SLC8A2: variants seen among roughly 807,000 people sequenced by gnomAD.
The protein encoded by SLC8A2 is solute carrier family 8 member A2.
SLC8A2 carries 14 observed loss-of-function variants against 70.2 expected under a neutral mutation model. The observed-to-expected ratio is 0.20, with a 90% confidence interval of 0.13 to 0.31. The LOEUF (loss-of-function observed/expected upper bound fraction) is 0.31, where lower values mean the gene tolerates loss of function less well. SLC8A2 is among the 10% of genes least tolerant of loss of function. SLC8A2 has a pLI of 1.00. For missense variants in SLC8A2, 779 were observed against 1,320.1 expected (o/e 0.59, Z 6.35); for synonymous variants, 575 against 594.3 (o/e 0.97, Z 0.47).
chr19:47,444,974 A>G (rs1226296682), intron 4 of SLC8A2, among the ~76,000 whole-genome samples: 1 of 152,072 alleles, frequency 6.6e-6, no homozygotes, highest in East Asian at 1.9e-4. Context: ...TCCCTGGGTC[A>G]GTCTCTCTCC....
chr19:47,456,887 C>G (rs775543344), intron 3 of SLC8A2, 43 bp downstream of exon 3: 1 of 1,518,962 alleles, frequency 6.6e-7, no homozygotes, highest in African/African-American at 1.4e-5. Context: ...GGACCCACGG[C>G]CTGCGCCAGC....
chr19:47,430,648 G>C lies in SLC8A2; in HGVS notation c.2390-183C>G, dbSNP rs939067149. ...CCACCTTTAGGCCTGCTCGCCACTG[G>C]AACCGCTGCCGGCTTTCTATGGGAC... On this transcript the variant is annotated intron_variant, in intron 9 of 9. Transcript: ENST00000236877. This position sits in a 1 kb window ranked among gnomAD's most constrained non-coding sequence, Gnocchi z 5.9. Among the ~76,000 whole-genome samples the C allele has an allele frequency of 5.3e-5, 8 of 152,260 alleles. No homozygotes were observed. Among genetic ancestry groups the C allele is most frequent in the Non-Finnish European group, 1.2e-4 (8 of 68,044 alleles).
At chr19:47,451,054 G>T (rs990530937) in intron 3 of SLC8A2, among the ~76,000 whole-genome samples, 1 of 142,780 alleles carries the variant, frequency 7.0e-6, no homozygotes, top group East Asian at 2.0e-4. Flanking sequence ...TGTCGCCCAG[G>T]CTGGAGTGCA....
At chr19:47,457,797 T>TCTTC (rs146183606) in intron 2 of SLC8A2, among the ~76,000 whole-genome samples, 1,440 of 95,026 alleles carry the variant, frequency 0.015, 13 homozygotes, top group Non-Finnish European at 0.025. Flanking sequence ...TTTTCTTTTC[T>TCTTC]CTTCCTTCCT....
At position 47,429,961 on chromosome 19, in the gene SLC8A2, G is replaced by A. The variant is rs781036123; in HGVS notation, c.*128C>T. ...GCAATCAAAGCCAGGGGAGGGGGCG[G>A]AGAAGGGAGGCCGAGTCCCAGGAGA... On this transcript the variant is annotated 3_prime_UTR_variant, in exon 10 of 10. Coordinates refer to ENST00000236877, the MANE Select transcript of SLC8A2 (RefSeq NM_015063.3). The A allele has an allele frequency of 4.4e-6, 4 of 915,656 alleles. No individual in the cohort carries two copies. In the Admixed American group the frequency reaches 8.4e-5, roughly 19 times the overall value. The allele number at this position is 915,656 out of a possible 1,614,324, so 56.7% of individuals were successfully genotyped here. A position where few individuals can be genotyped will look rare whatever the true frequency, so the allele number is the denominator to read the frequency against.
intron 1 of SLC8A2, among the ~76,000 whole-genome samples, chr19:47,471,140 A>T (rs1024718675): frequency 1.3e-5 from 2 of 151,318 alleles, no homozygotes; most frequent in Non-Finnish European, 3.0e-5. Flanking sequence ...GGAGGGAGAG[A>T]GAGAGAGAGA....
Position 47,432,285 on chromosome 19 carries a change from C to G in SLC8A2, c.2271G>C (p.Leu757=). 1 of 1,614,080 alleles carries G rather than the reference C, an allele frequency of 6.2e-7. No individual in the cohort carries two copies. Among genetic ancestry groups the G allele is most frequent in the Non-Finnish European group, 8.5e-7 (1 of 1,179,982 alleles). Residue 757 remains leucine (L), a synonymous_variant, in exon 9 of 10, where the codon CTG becomes CTC. Coordinates refer to ENST00000236877, the MANE Select transcript of SLC8A2 (RefSeq NM_015063.3). The surrounding 1 kb of genome is among the most constrained non-coding windows in gnomAD (Gnocchi z 6.2). ...HGWACFGVSI[L]VIGLLTALIG... Reference sequence around the variant, plus strand: ...TGAGGGCGGTGAGCAGGCCGATGACCAGGATGGAGACACCAAAGCAGGCCC... The same window carrying G: ...TGAGGGCGGTGAGCAGGCCGATGACGAGGATGGAGACACCAAAGCAGGCCC...
Position 47,430,592 on chromosome 19 carries a change from CT to C in SLC8A2, c.2390-128del, listed in dbSNP as rs1275966025. ...TGCGGGCAGTGTGGGCTCAAGACCC[CT>C]GACCCCCACCCAAGAGGCAAAGTCC... On this transcript the variant is annotated intron_variant, in intron 9 of 9. Coordinates refer to ENST00000236877, the MANE Select transcript of SLC8A2 (RefSeq NM_015063.3). The surrounding 1 kb of genome is among the most constrained non-coding windows in gnomAD (Gnocchi z 5.9). The C allele has an allele frequency of 3.9e-6, 4 of 1,017,538 alleles. No individual in the cohort carries two copies. Among genetic ancestry groups the C allele is most frequent in the Non-Finnish European group, 5.6e-6 (4 of 718,346 alleles). The allele number at this position is 1,017,538 out of a possible 1,614,324, so 63.0% of individuals were successfully genotyped here.
In SLC8A2 at chr19:47,428,370, G is replaced by C. The variant is rs1049199587; in HGVS notation, c.*1719C>G. 1.3e-5 allele frequency: 2 copies of C among 150,666 alleles called. No individual in the cohort carries two copies. The highest frequency in any genetic ancestry group is 4.9e-5 in the African/African-American group (2 of 40,738). 9.3% of individuals were successfully genotyped at this position (150,666 alleles called of 1,614,324 possible). A position where few individuals can be genotyped will look rare whatever the true frequency, so the allele number is the denominator to read the frequency against. The stretch of plus-strand genomic sequence containing the variant: ...CACGACTGACGAATGGGGGCATGGA[G>C]AGTGGAGGTGCGTGGCTTGTGGAAG... On this transcript the variant is annotated 3_prime_UTR_variant, in exon 10 of 10. Coordinates refer to ENST00000236877, the MANE Select transcript of SLC8A2 (RefSeq NM_015063.3).
intron 6 of SLC8A2, among the ~76,000 whole-genome samples, chr19:47,439,267 T>A (rs77371808): frequency 6.6e-6 from 1 of 152,106 alleles, no homozygotes; most frequent in African/African-American, 2.4e-5. Context: ...GTGGCTCATG[T>A]CTGTAATCCC....
intron 8 of SLC8A2, among the ~76,000 whole-genome samples, chr19:47,433,652 AC>A (rs1330501489): frequency 6.8e-6 from 1 of 146,868 alleles, no homozygotes; most frequent in Non-Finnish European, 1.5e-5. Context: ...ACCTGCAGTG[AC>A]TTTTTTTTTT....
Position 47,432,965 on chromosome 19 carries a change from A to G in SLC8A2, c.2111-520T>C. On this transcript the variant is annotated intron_variant, in intron 8 of 9. Transcript: ENST00000236877. The surrounding 1 kb of genome is among the most constrained non-coding windows in gnomAD (Gnocchi z 6.2). ...CCATTACTTTCCCAGAATCCCTTGA[A>G]GCTAGGAGCATGAATGGACCCAGGT... is the stretch of plus-strand genomic sequence containing the variant. Among the ~76,000 whole-genome samples the G allele has an allele frequency of 6.6e-6, 1 of 152,090 alleles. No homozygotes were observed. Among genetic ancestry groups the G allele is most frequent in the East Asian group, 1.9e-4 (1 of 5,178 alleles).
chr19:47,452,011 G>C (rs1384020430), intron 3 of SLC8A2, among the ~76,000 whole-genome samples: 1 of 152,126 alleles, frequency 6.6e-6, no homozygotes, highest in East Asian at 1.9e-4. Flanking sequence ...GGGATGACTG[G>C]GGAAATGGAA....
At chr19:47,454,311 T>G (rs1156679368) in intron 3 of SLC8A2, among the ~76,000 whole-genome samples, 4 of 151,856 alleles carry the variant, frequency 2.6e-5, no homozygotes, top group African/African-American at 9.7e-5. Context: ...GGTGAAAAGA[T>G]AGTTGAAAGC....
intron 6 of SLC8A2, among the ~76,000 whole-genome samples, chr19:47,439,603 C>CCTTCCT (rs1967073610): frequency 1.5e-5 from 1 of 68,548 alleles, no homozygotes; most frequent in Non-Finnish European, 2.6e-5. Flanking sequence ...TCTCTTCTCC[C>CCTTCCT]TCCTTCCTTC....
At chr19:47,457,642 C>T (rs1008507937) in intron 2 of SLC8A2, 48 bp from the exon 3 acceptor site, 4 of 1,249,254 alleles carry the variant, frequency 3.2e-6, no homozygotes, top group East Asian at 2.8e-5. Flanking sequence ...CGCCTTCTCC[C>T]TCCCCGCCTC....
intron 8 of SLC8A2, among the ~76,000 whole-genome samples, chr19:47,436,289 C>G (rs750528052): frequency 6.6e-6 from 1 of 152,200 alleles, no homozygotes; most frequent in African/African-American, 2.4e-5. Flanking sequence ...CCATCCCAGC[C>G]CTGCCTACTC....
intron 8 of SLC8A2, among the ~76,000 whole-genome samples, chr19:47,436,558 C>T (rs900940696): frequency 6.6e-6 from 1 of 152,166 alleles, no homozygotes; most frequent in East Asian, 1.9e-4. Flanking sequence ...GGATCCTGCT[C>T]GCCCAGTTTC....
rs1361564746 is a variant in SLC8A2 at position 47,466,295 on chromosome 19, C to T, written c.109G>A (p.Asp37Asn). Residue 37 changes from aspartate (D) to asparagine (N), a missense_variant, in exon 2 of 10, where the codon GAC (aspartate) becomes AAC (asparagine). Physicochemically the swap from Asp to Asn is conservative, Grantham distance 23. Around this residue, in one of 6 missense-constraint regions of SLC8A2, gnomAD observed 65 missense variants for 61.3 expected, o/e 1.06. Coordinates refer to ENST00000236877, the MANE Select transcript of SLC8A2 (RefSeq NM_015063.3). The surrounding 1 kb of genome is among the most constrained non-coding windows in gnomAD (Gnocchi z 6.9). ...SLPPPPANDSDTSTGGCQGSY... is the reference protein window; with the variant it reads ...SLPPPPANDSNTSTGGCQGSY... ...CCCTGGCAGCCCCCTGTGCTGGTGT[C>T]GCTGTCATTGGCCGGGGGAGGCGGC... 11 of 1,522,964 alleles carry T rather than the reference C, an allele frequency of 7.2e-6. No homozygotes were observed. Among genetic ancestry groups the T allele is most frequent in the South Asian group, 5.0e-5 (4 of 79,898 alleles). 94.3% of individuals were successfully genotyped at this position (1,522,964 alleles called of 1,614,324 possible). A position where few individuals can be genotyped will look rare whatever the true frequency, so the allele number is the denominator to read the frequency against.
Sources: allele counts gnomAD v4.1 joint callset (sites outside exome capture counted in the v4.1 genomes callset), GRCh38; gene constraint gnomAD v4.1.1; regional missense constraint gnomAD v4.1.1; non-coding constraint Gnocchi (gnomAD v3.1); transcripts MANE v1.5; gene names NCBI Gene and HGNC (gene_info 2026-07-23, HGNC 2026-07-21).